The following LRRIQ3 variants were observed in gnomAD, a reference collection of about 807,000 sequenced individuals.
The protein encoded by LRRIQ3 is leucine-rich repeat and IQ domain-containing protein 3.
Under a neutral mutation model 59.3 loss-of-function variants are expected in LRRIQ3, and 75 were observed. The ratio of observed to expected loss-of-function variants is 1.26; its 90% CI spans 1.05 to 1.53. The LOEUF is 1.53. LRRIQ3 is among the 40% of genes most tolerant of loss of function. The pLI, the probability that LRRIQ3 is intolerant of heterozygous loss-of-function variation, is 0.00. For synonymous variants in LRRIQ3, 250 were observed against 231.3 expected (o/e 1.08, Z -0.73); for missense variants, 831 against 710.0 (o/e 1.17, Z -1.94).
At chr1:74,187,731 T>C (rs767407677) in intron 1 of LRRIQ3, among the ~76,000 whole-genome samples, 6 of 151,836 alleles carry the variant, frequency 4.0e-5, no homozygotes, top group Admixed American at 1.3e-4. Flanking sequence ...CCAACAACTA[T>C]TGAAATAAAA....
At chr1:74,046,307 A>G (rs1485685495) in intron 6 of LRRIQ3, among the ~76,000 whole-genome samples, 1 of 152,142 alleles carries the variant, frequency 6.6e-6, no homozygotes, top group Non-Finnish European at 1.5e-5. Flanking sequence ...CATGCCACAT[A>G]TCTACAACAA....
At chr1:74,049,555 A>T (rs1053098600) in intron 6 of LRRIQ3, among the ~76,000 whole-genome samples, 15 of 152,192 alleles carry the variant, frequency 9.9e-5, no homozygotes, top group South Asian at 2.1e-4. Context: ...GAAAGAAAAA[A>T]ATCAAAGATG....
chr1:74,174,772 T>A (rs991922322), intron 3 of LRRIQ3, among the ~76,000 whole-genome samples: 3 of 152,170 alleles, frequency 2.0e-5, no homozygotes, highest in Non-Finnish European at 4.4e-5. Context: ...ATTTTTTATG[T>A]ATTGTTTTTC....
chr1:74,049,386 G>T (rs192763823), intron 6 of LRRIQ3, among the ~76,000 whole-genome samples: 1 of 152,294 alleles, frequency 6.6e-6, no homozygotes, highest in East Asian at 1.9e-4. Context: ...ATTCTAAGTA[G>T]GGGACTGGTT....
At chr1:74,078,141 G>T (rs562633908) in intron 5 of LRRIQ3, among the ~76,000 whole-genome samples, 1 of 151,952 alleles carries the variant, frequency 6.6e-6, no homozygotes, top group South Asian at 2.1e-4. Context: ...TGGTAAACCT[G>T]TATTCAGCAG....
At chr1:74,063,828 T>A (rs901521577) in intron 6 of LRRIQ3, among the ~76,000 whole-genome samples, 1 of 144,828 alleles carries the variant, frequency 6.9e-6, no homozygotes, top group Non-Finnish European at 1.5e-5. Context: ...AGATTGTTTT[T>A]AAATTAAATC....
intron 1 of LRRIQ3, among the ~76,000 whole-genome samples, chr1:74,194,303 CTAG>C (rs1356026475): frequency 2.0e-5 from 3 of 152,054 alleles, no homozygotes; most frequent in African/African-American, 4.8e-5. Context: ...AGGGGAGAGT[CTAG>C]TAGAACAGTC....
chr1:74,076,013 G>T (rs1646206036), intron 5 of LRRIQ3, among the ~76,000 whole-genome samples: 16 of 152,134 alleles, frequency 1.1e-4, no homozygotes, highest in Admixed American at 1.0e-3. Flanking sequence ...GGCTATGAAG[G>T]GGAGGGTAAA....
intron 4 of LRRIQ3, among the ~76,000 whole-genome samples, chr1:74,149,422 T>C (rs145113104): frequency 0.016 from 2,477 of 152,222 alleles, 34 homozygotes; most frequent in Non-Finnish European, 0.026. Flanking sequence ...CTTCACAGAA[T>C]TTTTTCATAT....
Position 74,042,412 on chromosome 1 carries a change from G to C in LRRIQ3, c.998-479C>G, listed in dbSNP as rs1570014250. Among the ~76,000 whole-genome samples, 3 of 152,178 alleles carry C rather than the reference G, an allele frequency of 2.0e-5. No individual in the cohort carries two copies. The South Asian group carries it at 6.2e-4, about 32-fold the overall frequency. On this transcript the variant is annotated intron_variant, in intron 6 of 7. Transcript: ENST00000354431. ...GAAGAAATATAGAAACAGCTTGATT[G>C]GTTATGGTTCAATTTTGCCTTATTT...
At chr1:74,157,300 A>G (rs1213687769) in intron 3 of LRRIQ3, among the ~76,000 whole-genome samples, 2 of 152,034 alleles carry the variant, frequency 1.3e-5, no homozygotes, top group African/African-American at 4.8e-5. Flanking sequence ...TCCTATCTAT[A>G]CTGAGTAGAA....
At chr1:74,031,720 C>T (rs1653724426) in intron 7 of LRRIQ3, among the ~76,000 whole-genome samples, 1 of 151,932 alleles carries the variant, frequency 6.6e-6, no homozygotes, top group South Asian at 2.1e-4. Context: ...ATGTAACAAA[C>T]CTGCACGTTG....
intron 1 of LRRIQ3, among the ~76,000 whole-genome samples, chr1:74,191,096 G>C (rs534695742): frequency 2.3e-4 from 35 of 152,062 alleles, no homozygotes; most frequent in Non-Finnish European, 5.9e-5. Flanking sequence ...CATGAAAACA[G>C]ACTAATACAG....
chr1:74,032,364 A>G (rs891273700), intron 7 of LRRIQ3, among the ~76,000 whole-genome samples: 19 of 152,150 alleles, frequency 1.2e-4, no homozygotes, highest in African/African-American at 4.6e-4. Flanking sequence ...TAGTTTCATT[A>G]GGTCAGAAGT....
rs950336168 is a variant in LRRIQ3 at position 74,038,010 on chromosome 1, G to T, written c.1718+3203C>A. On this transcript the variant is annotated intron_variant, in intron 7 of 7. Transcript: ENST00000354431. Reference sequence around the variant, plus strand: ...ATGTCTAAGCTGCCTGAGGTCCTTAGGGGAGAGGCACCAGCCAACACTGAG... The same window carrying T: ...ATGTCTAAGCTGCCTGAGGTCCTTATGGGAGAGGCACCAGCCAACACTGAG... Among the ~76,000 whole-genome samples, 143 of 152,334 alleles carry T rather than the reference G, an allele frequency of 9.4e-4. 1 individual carries two copies. Among genetic ancestry groups the T allele is most frequent in the African/African-American group, 3.2e-3 (131 of 41,582 alleles).
At chr1:74,188,082 A>G (rs1214460619) in intron 1 of LRRIQ3, among the ~76,000 whole-genome samples, 8 of 152,152 alleles carry the variant, frequency 5.3e-5, no homozygotes, top group African/African-American at 1.9e-4. Flanking sequence ...GGAATACTAT[A>G]CAACCATAAA....
intron 5 of LRRIQ3, among the ~76,000 whole-genome samples, chr1:74,095,956 T>C (rs904262668): frequency 1.3e-5 from 2 of 152,112 alleles, no homozygotes; most frequent in Non-Finnish European, 2.9e-5. Context: ...ATGTGTATTA[T>C]ATTCTTTCAA....
intron 4 of LRRIQ3, among the ~76,000 whole-genome samples, chr1:74,123,323 A>G (rs1042768638): frequency 2.0e-5 from 3 of 151,948 alleles, no homozygotes; most frequent in Non-Finnish European, 4.4e-5. Flanking sequence ...ATATTCTTTC[A>G]GTTATTTTAT....
intron 4 of LRRIQ3, among the ~76,000 whole-genome samples, chr1:74,138,163 C>CAA (rs71588822): frequency 0.01 from 1,159 of 111,670 alleles, 15 homozygotes; most frequent in African/African-American, 0.03. Context: ...AACAAACAAA[C>CAA]AAAAAAAAAA....
Sources: gnomAD v4.1 joint callset for allele counts (sites outside exome capture counted in the v4.1 genomes callset) on GRCh38, gnomAD v4.1.1 for gene constraint, MANE v1.5 for transcripts, NCBI Gene and HGNC (gene_info 2026-07-23, HGNC 2026-07-21) for gene names.